The following ADGRV1 variants were observed in gnomAD, a reference collection of about 807,000 sequenced individuals.
ADGRV1 encodes G-protein coupled receptor 98.
ADGRV1 carries 359 observed loss-of-function variants against 596.2 expected under a neutral mutation model. That is an observed-to-expected ratio of 0.60 (90% CI 0.55 to 0.66). The LOEUF is 0.66. ADGRV1 is among the 30% of genes least tolerant of loss of function. The probability of loss-of-function intolerance (pLI) is 0.00; values close to 1 mark genes in which losing one functional copy is unlikely to be tolerated. For synonymous variants in ADGRV1, 2,681 were observed against 2,679.2 expected (o/e 1.00, Z -0.02); for missense variants, 7,274 against 7,575.6 (o/e 0.96, Z 1.48).
intron 59 of ADGRV1, among the ~76,000 whole-genome samples, chr5:90,764,683 C>T (rs183292775): frequency 2.0e-5 from 3 of 152,286 alleles, no homozygotes; most frequent in Non-Finnish European, 4.4e-5. Flanking sequence ...CTTTAGCCCC[C>T]TGGGACCCAC....
At chr5:90,817,495 G>A (rs375543401) in intron 75 of ADGRV1, among the ~76,000 whole-genome samples, 1 of 151,482 alleles carries the variant, frequency 6.6e-6, no homozygotes, top group Non-Finnish European at 1.5e-5. Flanking sequence ...GCCCATGCCT[G>A]TGTCCTGAAT....
At position 90,784,041 on chromosome 5, in the gene ADGRV1, T is replaced by C. The variant is rs1367760537; in HGVS notation, c.13637T>C (p.Leu4546Pro). The C allele has an allele frequency of 6.2e-7, 1 of 1,609,720 alleles. No individual in the cohort carries two copies. The highest frequency in any genetic ancestry group is 8.5e-7 in the Non-Finnish European group (1 of 1,177,190). Reference protein sequence around the residue: ...LSLVLERTGGLLGEIQVNWET... With the variant: ...LSLVLERTGGPLGEIQVNWET... ...CTGGTGCTGGAGCGGACTGGAGGAC[T>C]CTTGGGAGAGATTCAGGTAGATTTA... Residue 4546 changes from leucine (L) to proline (P), a missense_variant, in exon 67 of 90, where the codon CTC becomes CCC. Physicochemically the swap from Leu to Pro is moderately conservative, Grantham distance 98. Around this residue, in one of 5 missense-constraint regions of ADGRV1, gnomAD observed 3,643 missense variants for 3,809.2 expected, o/e 0.96. Coordinates refer to ENST00000405460, the MANE Select transcript of ADGRV1 (RefSeq NM_032119.4).
intron 83 of ADGRV1, among the ~76,000 whole-genome samples, chr5:90,883,208 AT>A (rs1313649611): frequency 6.6e-6 from 1 of 152,176 alleles, no homozygotes; most frequent in African/African-American, 2.4e-5. Context: ...CAGATCTTTC[AT>A]GACAGATAAT....
At chr5:91,110,394 A>G (rs1792265408) in intron 87 of ADGRV1, among the ~76,000 whole-genome samples, 1 of 152,212 alleles carries the variant, frequency 6.6e-6, no homozygotes, top group Non-Finnish European at 1.5e-5. Flanking sequence ...GCTTCCTGAC[A>G]GGGATCCTCC....
Position 90,694,176 on chromosome 5 carries a change from G to C in ADGRV1, c.7420G>C (p.Val2474Leu). ...FWMTSWISPAVNNSDFWTYRK... is the reference protein window; with the variant it reads ...FWMTSWISPALNNSDFWTYRK... ...GATGACATCATGGATCAGCCCAGCT[G>C]TCAACAATTCAGACTTCTGGACCTA... Residue 2474 changes from valine to leucine, a missense_variant, in exon 33 of 90, where the codon GTC becomes CTC. Coordinates refer to ENST00000405460, the MANE Select transcript of ADGRV1 (RefSeq NM_032119.4). 1 of 1,613,846 alleles carries C rather than the reference G, an allele frequency of 6.2e-7. No individual in the cohort carries two copies. The highest frequency in any genetic ancestry group is 8.5e-7 in the Non-Finnish European group (1 of 1,179,862).
intron 83 of ADGRV1, among the ~76,000 whole-genome samples, chr5:90,864,252 A>G (rs903519741): frequency 1.3e-5 from 2 of 152,184 alleles, no homozygotes; most frequent in African/African-American, 4.8e-5. Context: ...AAGCATCTGG[A>G]CACTATGTAT....
At chr5:90,598,390 G>A (rs952839653) in intron 1 of ADGRV1, among the ~76,000 whole-genome samples, 3 of 152,228 alleles carry the variant, frequency 2.0e-5, no homozygotes, top group Non-Finnish European at 4.4e-5. Flanking sequence ...AAGACTTGGC[G>A]CTAAGCCCTG....
intron 67 of ADGRV1, 117 bp from the exon 68 acceptor site, chr5:90,787,954 C>T (rs1759651547): frequency 1.6e-6 from 1 of 621,726 alleles, no homozygotes; most frequent in Admixed American, 3.6e-5. Context: ...ATGGAATTAT[C>T]CTAGAATAAT....
chr5:90,729,818 T>C, intron 50 of ADGRV1, 54 bp downstream of exon 50: 1 of 1,568,848 alleles, frequency 6.4e-7, no homozygotes, highest in East Asian at 2.2e-5. Flanking sequence ...AAAGCCAGAA[T>C]GATTTTAATC....
chr5:91,055,048 C>G (rs1216465832), intron 85 of ADGRV1, among the ~76,000 whole-genome samples: 1 of 152,154 alleles, frequency 6.6e-6, no homozygotes, highest in African/African-American at 2.4e-5. Context: ...ACCGAATAAA[C>G]ATTTAAACAC....
chr5:91,059,064 A>G (rs2151339802), intron 85 of ADGRV1, among the ~76,000 whole-genome samples: 1 of 152,200 alleles, frequency 6.6e-6, no homozygotes, highest in East Asian at 1.9e-4. Flanking sequence ...AATGCAAATT[A>G]AATCTTGTAT....
chr5:90,692,417 T>A (rs992808296), intron 31 of ADGRV1, among the ~76,000 whole-genome samples, 188 bp from the exon 32 acceptor site: 1 of 152,216 alleles, frequency 6.6e-6, no homozygotes, highest in African/African-American at 2.4e-5. Context: ...TATTAAATGT[T>A]GATGATGGGT....
chr5:91,056,636 T>A (rs1786894603), intron 85 of ADGRV1, among the ~76,000 whole-genome samples: 1 of 152,060 alleles, frequency 6.6e-6, no homozygotes. Flanking sequence ...TTTGGCAACG[T>A]CTTGTGTTGT....
chr5:91,008,648 C>A (rs1313200347), intron 85 of ADGRV1, among the ~76,000 whole-genome samples: 1 of 152,030 alleles, frequency 6.6e-6, no homozygotes, highest in Non-Finnish European at 1.5e-5. Flanking sequence ...AGGTTACAGG[C>A]AGGTGCCACC....
At chr5:90,617,689 T>C in intron 2 of ADGRV1, 115 bp from the exon 3 acceptor site, 1 of 845,800 alleles carries the variant, frequency 1.2e-6, no homozygotes, top group Non-Finnish European at 1.8e-6. Flanking sequence ...ACCCTATCTA[T>C]AAACATAAAT....
At chr5:90,838,142 T>A (rs1043746190) in intron 77 of ADGRV1, among the ~76,000 whole-genome samples, 4 of 152,232 alleles carry the variant, frequency 2.6e-5, no homozygotes, top group African/African-American at 9.6e-5. Flanking sequence ...AGGGAATATT[T>A]TAATGTATCC....
intron 83 of ADGRV1, among the ~76,000 whole-genome samples, chr5:90,907,231 C>A (rs1581475838): frequency 6.6e-6 from 1 of 152,090 alleles, no homozygotes; most frequent in Non-Finnish European, 1.5e-5. Context: ...TTATAAAAAA[C>A]AAAATAGTTA....
chr5:90,856,730 T>A (rs1296549755), intron 82 of ADGRV1, among the ~76,000 whole-genome samples: 1 of 152,204 alleles, frequency 6.6e-6, no homozygotes, highest in Non-Finnish European at 1.5e-5. Flanking sequence ...CTAATTATGC[T>A]GTTAGCTAGT....
intron 16 of ADGRV1, among the ~76,000 whole-genome samples, chr5:90,646,927 C>T (rs1486556480): frequency 6.6e-6 from 1 of 152,020 alleles, no homozygotes. Flanking sequence ...GCACACACCA[C>T]CACGCCCAGC....
Sources: allele counts gnomAD v4.1 joint callset (sites outside exome capture counted in the v4.1 genomes callset), GRCh38; gene constraint gnomAD v4.1.1; regional missense constraint gnomAD v4.1.1; transcripts MANE v1.5; gene names NCBI Gene and HGNC (gene_info 2026-07-23, HGNC 2026-07-21).